The following SPTBN1 variants were observed in gnomAD, a reference collection of about 807,000 sequenced individuals.
SPTBN1 encodes the protein spectrin beta, non-erythrocytic 1.
A neutral mutation model predicts 266.4 loss-of-function variants in SPTBN1; 32 were observed. The ratio of observed to expected loss-of-function variants is 0.12; its 90% CI spans 0.09 to 0.16. The LOEUF is 0.16. SPTBN1 is among the 10% of genes least tolerant of loss of function. The pLI is 1.00. For missense variants in SPTBN1, 2,296 were observed against 3,067.1 expected, an observed-to-expected ratio of 0.75 and a Z score of 5.94; for synonymous variants, 1,336 against 1,162.2, an observed-to-expected ratio of 1.15 and a Z score of -3.04.
At chr2:54,582,041 A>G (rs2104576902) in intron 2 of SPTBN1, among the ~76,000 whole-genome samples, 1 of 152,270 alleles carries the variant, frequency 6.6e-6, no homozygotes, top group East Asian at 1.9e-4. Context: ...ACCAAGGTAG[A>G]GAAAAAAATA....
At chr2:54,467,366 T>C (rs1693688981) in intron 1 of SPTBN1, among the ~76,000 whole-genome samples, 2 of 152,174 alleles carry the variant, frequency 1.3e-5, no homozygotes, top group South Asian at 4.1e-4. Flanking sequence ...TTCCACGGCA[T>C]TTTGAAACCT....
intron 35 of SPTBN1, among the ~76,000 whole-genome samples, chr2:54,667,871 A>G (rs1261165807): frequency 1.3e-5 from 2 of 152,178 alleles, no homozygotes; most frequent in African/African-American, 4.8e-5. Flanking sequence ...AAGTCGATGG[A>G]ATCTTTGCCT....
At chr2:54,667,005 A>G (rs1227666160) in intron 34 of SPTBN1, among the ~76,000 whole-genome samples, 1 of 152,170 alleles carries the variant, frequency 6.6e-6, no homozygotes, top group Non-Finnish European at 1.5e-5. Context: ...GAGCTGGGAT[A>G]TTAGCGAACG....
chr2:54,664,695 A>C lies in SPTBN1; in HGVS notation c.6659+4A>C, dbSNP rs553800170. ...ACAATAAGAAAGCCTCAAGCAGGTA[A>C]CAGCAGCAGAGGCTGCCACAGTAAG... On this transcript the variant is annotated splice_donor_region_variant and intron_variant, in intron 33 of 35. Transcript: ENST00000356805. The surrounding 1 kb of genome is among the most constrained non-coding windows in gnomAD (Gnocchi z 5.6). The C allele has an allele frequency of 2.5e-6, 4 of 1,613,498 alleles. No individual in the cohort carries two copies. The South Asian group carries it at 4.4e-5, about 18-fold the overall frequency.
rs191316329 is a variant in SPTBN1, at chr2:54,626,529, T to G, written c.1644+295T>G. On this transcript the variant is annotated intron_variant, in intron 12 of 35. Transcript: ENST00000356805. The surrounding 1 kb of genome is among the most constrained non-coding windows in gnomAD (Gnocchi z 4.7). Reference sequence around the variant, plus strand: ...TTGTGGTTTTCTTTATTTTTAAGTTTTCAGGGTTAAACTAACTTACCGTTT... The same window carrying G: ...TTGTGGTTTTCTTTATTTTTAAGTTGTCAGGGTTAAACTAACTTACCGTTT... Among the ~76,000 whole-genome samples the G allele has an allele frequency of 2.9e-3, 443 of 152,176 alleles. 3 individuals carry two copies. The highest frequency in any genetic ancestry group is 0.01 in the African/African-American group (425 of 41,508).
intron 1 of SPTBN1, among the ~76,000 whole-genome samples, chr2:54,524,028 G>A (rs931302799): frequency 1.3e-5 from 2 of 151,932 alleles, no homozygotes; most frequent in African/African-American, 2.4e-5. Flanking sequence ...GTGAAACCCC[G>A]TCTCTACCAA....
In SPTBN1 at chr2:54,642,992, T is replaced by G; in HGVS notation, c.3868T>G (p.Trp1290Gly). Residue 1290 changes from tryptophan to glycine, a missense_variant, in exon 19 of 36, where the codon TGG becomes GGG. Physicochemically the swap from Trp to Gly is radical, Grantham distance 184 (BLOSUM62 -2). This residue lies in a region of SPTBN1 where 386 missense variants were observed against 486.1 expected (regional missense o/e 0.79). Coordinates refer to ENST00000356805, the MANE Select transcript of SPTBN1 (RefSeq NM_003128.3). ...TCTGATCTTTCTGTAGCTGTCTCTCTGGATCAATGAGAAGATGCTCACAGC... is the reference window on the plus strand; with the variant it reads ...TCTGATCTTTCTGTAGCTGTCTCTCGGGATCAATGAGAAGATGCTCACAGC... Reference protein sequence around the residue: ...FLQDCQELSLWINEKMLTAQD... With the variant: ...FLQDCQELSLGINEKMLTAQD... 1 of 1,613,460 alleles carries G rather than the reference T, an allele frequency of 6.2e-7. No homozygotes were observed. The highest frequency in any genetic ancestry group is 8.5e-7 in the Non-Finnish European group (1 of 1,179,608).
chr2:54,599,792 G>A (rs1676358334), intron 3 of SPTBN1, among the ~76,000 whole-genome samples: 3 of 152,182 alleles, frequency 2.0e-5, no homozygotes, highest in African/African-American at 7.2e-5. Context: ...GCCTTTTCAG[G>A]CAGGAAAGTT....
In SPTBN1 at chr2:54,588,891, C is replaced by T. The variant is rs1048641000; in HGVS notation, c.149-10201C>T. On this transcript the variant is annotated intron_variant, in intron 2 of 35. Transcript: ENST00000356805. The stretch of plus-strand genomic sequence containing the variant: ...ATTTGCTTTTTCCACCTGGTTTTGG[C>T]ACCTTACACTATTGGTTTTTTTTGT... Among the ~76,000 whole-genome samples, 10 of 152,108 alleles carry T rather than the reference C, an allele frequency of 6.6e-5. No individual in the cohort carries two copies. In the South Asian group the frequency reaches 1.7e-3, roughly 25 times the overall value.
chr2:54,482,546 C>G (rs6545409), intron 1 of SPTBN1, among the ~76,000 whole-genome samples: 1 of 151,838 alleles, frequency 6.6e-6, no homozygotes, highest in South Asian at 2.1e-4. Flanking sequence ...AAAATTATGT[C>G]TCTGGCCTGT....
chr2:54,522,646 AAGAGAGAGAGAAAGAGAGAG>A (rs1670514683), intron 1 of SPTBN1, among the ~76,000 whole-genome samples: 4 of 56,866 alleles, frequency 7.0e-5, no homozygotes, highest in African/African-American at 3.2e-4. Context: ...GAAAGAAAGA[AAGAGAGAGAGAAAGAGAGAG>A]AGAGAGAGAG....
intron 2 of SPTBN1, among the ~76,000 whole-genome samples, chr2:54,590,448 T>C (rs1375234128): frequency 6.6e-6 from 1 of 152,226 alleles, no homozygotes; most frequent in African/African-American, 2.4e-5. Flanking sequence ...CTTTATGTCA[T>C]GTATATGCTA....
chr2:54,522,706 AGAAAG>A (rs1670552196), intron 1 of SPTBN1, among the ~76,000 whole-genome samples: 1 of 147,622 alleles, frequency 6.8e-6, no homozygotes, highest in Non-Finnish European at 1.5e-5. Flanking sequence ...AGAGAAAGAA[AGAAAG>A]GAAAGAAAGA....
At chr2:54,532,112 A>G (rs1195523999) in intron 2 of SPTBN1, among the ~76,000 whole-genome samples, 1 of 152,124 alleles carries the variant, frequency 6.6e-6, no homozygotes, top group Non-Finnish European at 1.5e-5. Context: ...ACGTAGCGAA[A>G]CCCCATCTCT....
chr2:54,604,203 C>T (rs1676684895), intron 3 of SPTBN1, among the ~76,000 whole-genome samples: 1 of 152,126 alleles, frequency 6.6e-6, no homozygotes, highest in South Asian at 2.1e-4. Context: ...TTTCTTTGGA[C>T]ACGTATAGAG....
chr2:54,534,535 A>G (rs1443292772), intron 2 of SPTBN1, among the ~76,000 whole-genome samples: 2 of 152,194 alleles, frequency 1.3e-5, no homozygotes, highest in Non-Finnish European at 2.9e-5. Context: ...TATACCCTCA[A>G]TTTATTTTTC....
In SPTBN1 at chr2:54,664,466, T is replaced by C. The variant is rs1217933047; in HGVS notation, c.6434T>C (p.Val2145Ala). ...EQGSPRMAETVDTSEMVNGAT... is the reference protein window; with the variant it reads ...EQGSPRMAETADTSEMVNGAT... The stretch of plus-strand genomic sequence containing the variant: ...CGCTGTCCCTAGATGGCAGAAACGG[T>C]GGACACAAGCGAAATGGTCAACGGC... The change falls in exon 33 of 36, where the codon GTG (valine) becomes GCG (alanine). Residue 2145 changes from valine to alanine, a missense_variant. Coordinates refer to ENST00000356805, the MANE Select transcript of SPTBN1 (RefSeq NM_003128.3). The surrounding 1 kb of genome is among the most constrained non-coding windows in gnomAD (Gnocchi z 5.6). The C allele has an allele frequency of 1.2e-6, 2 of 1,611,898 alleles. No individual in the cohort carries two copies. The highest frequency in any genetic ancestry group is 1.7e-6 in the Non-Finnish European group (2 of 1,178,242).
chr2:54,470,129 C>T (rs1249281176), intron 1 of SPTBN1, among the ~76,000 whole-genome samples: 1 of 152,152 alleles, frequency 6.6e-6, no homozygotes, highest in Non-Finnish European at 1.5e-5. Context: ...TAGGTTTCAT[C>T]CTAGTTCTAG....
At chr2:54,657,006 A>G (rs1680711755) in intron 29 of SPTBN1, among the ~76,000 whole-genome samples, 1 of 152,224 alleles carries the variant, frequency 6.6e-6, no homozygotes. Flanking sequence ...GAAAGCAGAT[A>G]GCTAGCCAGC....
Sources: gnomAD v4.1 joint callset for allele counts (sites outside exome capture counted in the v4.1 genomes callset) on GRCh38, gnomAD v4.1.1 for gene constraint, gnomAD v4.1.1 regional missense constraint, Gnocchi (gnomAD v3.1) non-coding constraint, MANE v1.5 for transcripts, NCBI Gene and HGNC (gene_info 2026-07-23, HGNC 2026-07-21) for gene names.